Variants in HECTD4 observed in about 807,000 individuals in gnomAD.
The protein encoded by HECTD4 is HECT domain E3 ubiquitin protein ligase 4, also known as probable E3 ubiquitin-protein ligase HECTD4.
In HECTD4, 114 loss-of-function variants were observed where a neutral mutation model predicts 471.5. The observed-to-expected ratio is 0.24, with a 90% CI of 0.21 to 0.28. HECTD4 has a LOEUF of 0.28. Ranked by LOEUF, HECTD4 falls within the 10% of genes least tolerant of loss-of-function variation. The pLI, the probability that HECTD4 is intolerant of heterozygous loss-of-function variation, is 1.00. For synonymous variants in HECTD4, 2,012 were observed against 2,256.0 expected (o/e 0.89, Z 3.07); for missense variants, 3,866 against 5,651.5 (o/e 0.68, Z 10.13).
chr12:112,293,313 C>A (rs949352829), intron 7 of HECTD4, among the ~76,000 whole-genome samples: 4 of 144,482 alleles, frequency 2.8e-5, no homozygotes, highest in African/African-American at 1.0e-4. Flanking sequence ...TGCGGTGAGC[C>A]GAGATCGCAC....
rs1299136339 is a variant in HECTD4 at position 112,184,428 on chromosome 12, G to A, written c.10538C>T (p.Pro3513Leu). Reference sequence around the variant, plus strand: ...AGGGATGGGCAGCTCGAGGCCGGCAGGCAGCGGATCCACAGAGAGGTCGCT... The same window carrying A: ...AGGGATGGGCAGCTCGAGGCCGGCAAGCAGCGGATCCACAGAGAGGTCGCT... The part of the protein sequence containing the change: ...TVSDLSVDPL[P>L]AGLELPIPPG... Residue 3513 changes from proline (P) to leucine (L), a missense_variant, in exon 61 of 76, where the codon CCT (proline) becomes CTT (leucine). Transcript: ENST00000682272. This position sits in a 1 kb window ranked among gnomAD's most constrained non-coding sequence, Gnocchi z 9.1. 2 of 1,606,048 alleles carry A rather than the reference G, an allele frequency of 1.2e-6. No homozygotes were observed. The highest frequency in any genetic ancestry group is 2.2e-5 in the East Asian group (1 of 44,774).
intron 1 of HECTD4, among the ~76,000 whole-genome samples, chr12:112,334,637 CAAAAAAAAA>C (rs869292531): frequency 6.6e-5 from 3 of 45,264 alleles, no homozygotes; most frequent in African/African-American, 2.4e-4. Flanking sequence ...ACTAAAAATA[CAAAAAAAAA>C]AAAAAAAAAA....
intron 62 of HECTD4, among the ~76,000 whole-genome samples, chr12:112,181,041 G>A (rs1042597259): frequency 1.3e-5 from 2 of 151,710 alleles, no homozygotes; most frequent in African/African-American, 2.4e-5. Flanking sequence ...GCAGGCCTCC[G>A]CAGGATTACC....
chr12:112,369,341 T>G (rs909455681), intron 1 of HECTD4, among the ~76,000 whole-genome samples: 2 of 116,800 alleles, frequency 1.7e-5, no homozygotes, highest in Non-Finnish European at 3.8e-5. Flanking sequence ...CTAGGATTTC[T>G]TTTTTTTTTT....
At chr12:112,250,037 A>G (rs2033845261) in intron 25 of HECTD4, 107 bp downstream of exon 25, 1 of 802,654 alleles carries the variant, frequency 1.2e-6, no homozygotes, top group Admixed American at 2.3e-5. Flanking sequence ...TGGAGTAAAC[A>G]TAAAATTAAA....
chr12:112,251,796 G>A (rs1238592856), intron 23 of HECTD4, among the ~76,000 whole-genome samples: 7 of 152,062 alleles, frequency 4.6e-5, no homozygotes, highest in African/African-American at 7.2e-5. Flanking sequence ...TTTTTGAGAC[G>A]GAGTCTCACT....
chr12:112,309,003 T>C, intron 5 of HECTD4, 112 bp from the exon 6 acceptor site: 1 of 1,080,088 alleles, frequency 9.3e-7, no homozygotes, highest in South Asian at 1.7e-5. Context: ...AATGAGTAAG[T>C]ATGTAAAACA....
intron 1 of HECTD4, among the ~76,000 whole-genome samples, chr12:112,367,963 A>T (rs1443298245): frequency 6.6e-6 from 1 of 152,180 alleles, no homozygotes; most frequent in Non-Finnish European, 1.5e-5. Context: ...TACAGAGCAC[A>T]AAGCAAATAT....
Position 112,193,555 on chromosome 12 carries a change from ACT to A in HECTD4, c.8867_8868del (p.Glu2956ValfsTer64). 1 of 1,612,906 alleles carries A rather than the reference ACT, an allele frequency of 6.2e-7. No homozygotes were observed. The highest frequency in any genetic ancestry group is 8.5e-7 in the Non-Finnish European group (1 of 1,179,496). ...GTCCGGGTGATGGCCACGTTGAGCC[ACT>A]CTCTCACTGTCTGGGAGTTGCCCTG... ...FYQGNSQTVR[E>X]WLNVAITRTL... is the part of the protein sequence containing the mutation. On this transcript the variant is annotated frameshift_variant, in exon 57 of 76. Transcript: ENST00000682272. LOFTEE classifies it high-confidence loss of function. The surrounding 1 kb of genome is among the most constrained non-coding windows in gnomAD (Gnocchi z 5.2).
At chr12:112,165,393 C>G (rs900035229) in intron 72 of HECTD4, among the ~76,000 whole-genome samples, 2 of 147,218 alleles carry the variant, frequency 1.4e-5, no homozygotes, top group Non-Finnish European at 3.0e-5. Context: ...GCTCTGTCGC[C>G]CAGGCTGGAG....
intron 1 of HECTD4, chr12:112,321,833 TA>T (rs1255184214): frequency 6.6e-6 from 1 of 150,944 alleles, no homozygotes; most frequent in African/African-American, 2.4e-5. Flanking sequence ...AAAACAAAGA[TA>T]AGCTGAATTA....
At chr12:112,377,671 G>A (rs1481568706) in intron 1 of HECTD4, among the ~76,000 whole-genome samples, 6 of 152,190 alleles carry the variant, frequency 3.9e-5, no homozygotes, top group Admixed American at 3.9e-4. Flanking sequence ...AGGAGTTCGA[G>A]ACCAGCCTGG....
chr12:112,318,562 CAG>C (rs2035529686), intron 2 of HECTD4, among the ~76,000 whole-genome samples: 1 of 152,062 alleles, frequency 6.6e-6, no homozygotes, highest in Non-Finnish European at 1.5e-5. Context: ...TTAGTAGAGA[CAG>C]GGTTTCACCA....
rs112660089 is a variant in HECTD4, at chr12:112,188,968, G to A, written c.9472+1818C>T. Among the ~76,000 whole-genome samples the A allele has an allele frequency of 2.0e-5, 3 of 152,260 alleles. No homozygotes were observed. The highest frequency in any genetic ancestry group is 2.1e-4 in the South Asian group (1 of 4,824). On this transcript the variant is annotated intron_variant, in intron 60 of 75. Coordinates refer to ENST00000682272, the MANE Select transcript of HECTD4 (RefSeq NM_001388303.1). The surrounding 1 kb of genome is among the most constrained non-coding windows in gnomAD (Gnocchi z 4.2). ...ATTCTTCACCAAAATTGCACATGAC[G>A]GCCTATGCGCTGAAACTTATTCTCA...
intron 1 of HECTD4, among the ~76,000 whole-genome samples, chr12:112,337,646 A>G (rs2035982993): frequency 2.0e-5 from 3 of 152,258 alleles, no homozygotes; most frequent in Admixed American, 2.0e-4. Context: ...GTGAAATAAT[A>G]GTTATAATGC....
At chr12:112,223,896 T>C (rs980103494) in intron 44 of HECTD4, among the ~76,000 whole-genome samples, 1 of 152,172 alleles carries the variant, frequency 6.6e-6, no homozygotes, top group Non-Finnish European at 1.5e-5. Context: ...ATAATAGAAG[T>C]TGATTAAATA....
intron 37 of HECTD4, among the ~76,000 whole-genome samples, chr12:112,233,590 T>A (rs2033435111): frequency 6.6e-6 from 1 of 152,132 alleles, no homozygotes; most frequent in Admixed American, 6.6e-5. Context: ...AATTTATTAC[T>A]GCTTAATTAT....
intron 17 of HECTD4, among the ~76,000 whole-genome samples, chr12:112,263,722 TATACAC>T (rs201841297): frequency 0.069 from 10,271 of 147,962 alleles, 435 homozygotes; most frequent in South Asian, 0.11. Context: ...TATATATATA[TATACAC>T]ACACACACAC....
At chr12:112,165,050 A>G (rs1047330476) in intron 72 of HECTD4, among the ~76,000 whole-genome samples, 6 of 150,382 alleles carry the variant, frequency 4.0e-5, no homozygotes, top group African/African-American at 1.5e-4. Flanking sequence ...GCTCCCGAGT[A>G]GCTGGGATTA....
Sources: gnomAD v4.1 joint callset for allele counts (sites outside exome capture counted in the v4.1 genomes callset) on GRCh38, gnomAD v4.1.1 for gene constraint, Gnocchi (gnomAD v3.1) non-coding constraint, MANE v1.5 for transcripts, NCBI Gene and HGNC (gene_info 2026-07-23, HGNC 2026-07-21) for gene names.